The following ANO4 variants were observed in gnomAD, a reference collection of about 807,000 sequenced individuals.
ANO4 encodes the protein anoctamin 4, also known as anoctamin-4.
In ANO4, 69 loss-of-function variants were observed where a neutral mutation model predicts 141.9. The ratio of observed to expected loss-of-function variants is 0.49; its 90% CI spans 0.40 to 0.59. The LOEUF is 0.59. Among genes scored for constraint, ANO4 ranks in the 20% least tolerant of loss-of-function variants. The pLI is 0.00. For synonymous variants in ANO4, 350 were observed against 394.3 expected, an observed-to-expected ratio of 0.89 and a Z score of 1.33; for missense variants, 894 against 1,162.2, an observed-to-expected ratio of 0.77 and a Z score of 3.36.
At chr12:100,766,972 T>C in intron 3 of ANO4, among the ~76,000 whole-genome samples, 1 of 152,192 alleles carries the variant, frequency 6.6e-6, no homozygotes, top group East Asian at 1.9e-4. Flanking sequence ...TCATCTTATT[T>C]GTCTCTTGTG....
chr12:101,055,523 T>A (rs201368203), intron 14 of ANO4, among the ~76,000 whole-genome samples: 2 of 152,234 alleles, frequency 1.3e-5, no homozygotes, highest in Non-Finnish European at 2.9e-5. Context: ...GTTATTGGGT[T>A]GTCTGTCTTA....
intron 14 of ANO4, among the ~76,000 whole-genome samples, chr12:101,067,203 G>A (rs1196758716): frequency 2.6e-5 from 4 of 152,138 alleles, no homozygotes; most frequent in African/African-American, 9.7e-5. Context: ...GAAAATATGT[G>A]AAGGAATAGT....
chr12:100,726,368 A>C (rs1422486384), intron 1 of ANO4, among the ~76,000 whole-genome samples: 1 of 152,198 alleles, frequency 6.6e-6, no homozygotes, highest in Non-Finnish European at 1.5e-5. Flanking sequence ...ATTCTGAACT[A>C]ATCTATTTCT....
At chr12:101,096,364 G>A (rs1472254968) in intron 18 of ANO4, among the ~76,000 whole-genome samples, 172 bp from the exon 19 acceptor site, 3 of 152,078 alleles carry the variant, frequency 2.0e-5, no homozygotes, top group African/African-American at 7.2e-5. Flanking sequence ...GTGAGCTTGA[G>A]GATCCTATGA....
intron 24 of ANO4, among the ~76,000 whole-genome samples, chr12:101,115,468 G>T (rs1279287609): frequency 6.6e-6 from 1 of 151,884 alleles, no homozygotes; most frequent in East Asian, 1.9e-4. Flanking sequence ...AAAAAAAGAA[G>T]AAGTAAGAAG....
intron 6 of ANO4, among the ~76,000 whole-genome samples, chr12:100,973,220 C>A (rs2044006486): frequency 1.3e-5 from 2 of 152,182 alleles, no homozygotes; most frequent in South Asian, 4.1e-4. Context: ...AAAACTTTTG[C>A]TATTATTGTG....
chr12:100,784,399 C>A (rs938570032), intron 3 of ANO4, among the ~76,000 whole-genome samples: 1 of 152,174 alleles, frequency 6.6e-6, no homozygotes, highest in East Asian at 1.9e-4. Flanking sequence ...CTTCCTCTAC[C>A]CTTACCTTGG....
At chr12:100,864,521 A>T (rs1424522597) in intron 1 of ANO4, among the ~76,000 whole-genome samples, 1 of 152,110 alleles carries the variant, frequency 6.6e-6, no homozygotes, top group Non-Finnish European at 1.5e-5. Context: ...ATTGATTGCC[A>T]CTGTAGCTTC....
At chr12:101,081,176 A>G (rs1003800580) in intron 15 of ANO4, among the ~76,000 whole-genome samples, 21 of 151,730 alleles carry the variant, frequency 1.4e-4, no homozygotes, top group African/African-American at 4.8e-4. Context: ...ATATGTGTTC[A>G]TGGGAACAGT....
chr12:100,858,982 G>A (rs1431927935), intron 1 of ANO4: 1 of 152,190 alleles, frequency 6.6e-6, no homozygotes, highest in East Asian at 1.9e-4. Context: ...TGCCAGAGAA[G>A]AAGAGGAATG....
chr12:101,083,553 T>C, intron 15 of ANO4, 125 bp from the exon 16 acceptor site: 2 of 1,216,190 alleles, frequency 1.6e-6, no homozygotes, highest in Non-Finnish European at 2.3e-6. Flanking sequence ...CCAAACCCAC[T>C]TCATTGGTTG....
At chr12:101,065,998 G>A (rs2048568330) in intron 14 of ANO4, among the ~76,000 whole-genome samples, 2 of 152,312 alleles carry the variant, frequency 1.3e-5, no homozygotes, top group South Asian at 4.1e-4. Flanking sequence ...TCAACAGAAT[G>A]AAGGATGAAA....
At chr12:101,067,644 C>T (rs916336712) in intron 14 of ANO4, among the ~76,000 whole-genome samples, 2 of 152,174 alleles carry the variant, frequency 1.3e-5, no homozygotes, top group African/African-American at 2.4e-5. Flanking sequence ...GGTTGCACCA[C>T]TTCACTCCAG....
chr12:100,995,398 T>TA lies in ANO4; in HGVS notation c.734+7729dup, dbSNP rs542132824. Among the ~76,000 whole-genome samples, 34 of 152,224 alleles carry TA rather than the reference T, an allele frequency of 2.2e-4. No individual in the cohort carries two copies. The South Asian group carries it at 6.9e-3, about 31-fold the overall frequency. ...AAGGAGAACAACAATAGTGATGAGT[T>TA]AGAGGCGTGGGAGGGAGCCTGATCC... On this transcript the variant is annotated intron_variant, in intron 8 of 27. Coordinates refer to ENST00000392977, the MANE Select transcript of ANO4 (RefSeq NM_001286615.2).
intron 8 of ANO4, among the ~76,000 whole-genome samples, chr12:100,999,835 A>G (rs2045558520): frequency 6.6e-6 from 1 of 151,788 alleles, no homozygotes; most frequent in Non-Finnish European, 1.5e-5. Context: ...GCTTGCAGCC[A>G]GGAGTTTGAG....
At chr12:100,727,245 A>G (rs117585676) in intron 1 of ANO4, among the ~76,000 whole-genome samples, 2,388 of 152,320 alleles carry the variant, frequency 0.016, 26 homozygotes, top group Non-Finnish European at 0.025. Flanking sequence ...TGCCCAAGCA[A>G]TCAGTTATTA....
intron 22 of ANO4, among the ~76,000 whole-genome samples, chr12:101,102,265 G>T (rs1449303622): frequency 6.6e-6 from 1 of 152,092 alleles, no homozygotes; most frequent in Non-Finnish European, 1.5e-5. Context: ...GGAGGCCATA[G>T]ATATGCATTT....
chr12:101,043,494 T>A (rs967271012), intron 12 of ANO4, 45 bp from the exon 13 acceptor site: 20 of 1,446,314 alleles, frequency 1.4e-5, no homozygotes, highest in Non-Finnish European at 1.9e-5. Context: ...TAGAAAAAAA[T>A]GTTCCATGTC....
intron 1 of ANO4, among the ~76,000 whole-genome samples, chr12:100,863,911 C>A (rs1203731602): frequency 6.6e-6 from 1 of 152,186 alleles, no homozygotes; most frequent in African/African-American, 2.4e-5. Flanking sequence ...ATGGTAAGAT[C>A]TTTTATTCAA....
Sources: allele counts gnomAD v4.1 joint callset (sites outside exome capture counted in the v4.1 genomes callset), GRCh38; gene constraint gnomAD v4.1.1; transcripts MANE v1.5; gene names NCBI Gene and HGNC (gene_info 2026-07-23, HGNC 2026-07-21).